YWHAQ: variants seen among roughly 807,000 people sequenced by gnomAD.
YWHAQ encodes tyrosine 3-monooxygenase/tryptophan 5-monooxygenase activation protein theta, also known as 14-3-3 protein theta.
In YWHAQ, 6 loss-of-function variants were observed where a neutral mutation model predicts 28.3. The observed-to-expected ratio is 0.21, with a 90% confidence interval of 0.12 to 0.42. The LOEUF (loss-of-function observed/expected upper bound fraction) is 0.42, where lower values mean the gene tolerates loss of function less well. Ranked by LOEUF, YWHAQ falls within the 10% of genes least tolerant of loss-of-function variation. The pLI is 1.00. For missense variants in YWHAQ, 201 were observed against 305.6 expected, an observed-to-expected ratio of 0.66 and a Z score of 2.55; for synonymous variants, 143 against 119.1, an observed-to-expected ratio of 1.20 and a Z score of -1.31.
At chr2:9,601,095 C>CAGCAGGAACAA (rs1666683814) in intron 2 of YWHAQ, among the ~76,000 whole-genome samples, 1 of 152,126 alleles carries the variant, frequency 6.6e-6, no homozygotes. Context: ...ATTATTAATG[C>CAGCAGGAACAA]TATTTATTTT....
At chr2:9,588,415 C>T (rs984896851) in intron 3 of YWHAQ, 87 bp from the exon 4 acceptor site, 4 of 1,464,178 alleles carry the variant, frequency 2.7e-6, no homozygotes, top group Non-Finnish European at 3.6e-6. Context: ...ATGCTACTAG[C>T]TCTTGGTAGA....
At chr2:9,618,513 AT>A (rs1256830392) in intron 2 of YWHAQ, among the ~76,000 whole-genome samples, 1 of 151,852 alleles carries the variant, frequency 6.6e-6, no homozygotes, top group African/African-American at 2.4e-5. Flanking sequence ...TCTTTGTTTC[AT>A]TTTCTTTTTT....
At chr2:9,629,201 T>C (rs1667307280) in intron 2 of YWHAQ, among the ~76,000 whole-genome samples, 1 of 152,184 alleles carries the variant, frequency 6.6e-6, no homozygotes, top group Non-Finnish European at 1.5e-5. Flanking sequence ...GTAGGCCTCT[T>C]GTAAAAGTGA....
At chr2:9,597,332 G>C (rs1243399623) in intron 2 of YWHAQ, among the ~76,000 whole-genome samples, 1 of 152,128 alleles carries the variant, frequency 6.6e-6, no homozygotes, top group Non-Finnish European at 1.5e-5. Context: ...AAGTGTCCTT[G>C]TGTTATTTTT....
intron 2 of YWHAQ, among the ~76,000 whole-genome samples, chr2:9,593,971 G>A (rs1268089882): frequency 1.7e-5 from 2 of 115,444 alleles, no homozygotes; most frequent in Non-Finnish European, 3.5e-5. Flanking sequence ...GCCAGAGGAA[G>A]TTAAAACACA....
intron 2 of YWHAQ, among the ~76,000 whole-genome samples, chr2:9,620,262 G>A (rs146482177): frequency 1.3e-5 from 2 of 152,272 alleles, no homozygotes; most frequent in East Asian, 1.9e-4. Flanking sequence ...GAAGAGTATC[G>A]TACAGAATAT....
chr2:9,598,501 A>C (rs548012851), intron 2 of YWHAQ, among the ~76,000 whole-genome samples: 1 of 152,172 alleles, frequency 6.6e-6, no homozygotes, highest in South Asian at 2.1e-4. Context: ...GCAACACTGA[A>C]TCAAGCATGT....
intron 2 of YWHAQ, among the ~76,000 whole-genome samples, chr2:9,629,518 G>C (rs1324299501): frequency 6.6e-6 from 1 of 152,156 alleles, no homozygotes; most frequent in Non-Finnish European, 1.5e-5. Context: ...CAACACTAGT[G>C]TTTAAGCACA....
chr2:9,630,503 G>C lies in YWHAQ; in HGVS notation c.-51C>G. ...CGGAGGGCGAGGAGAGCGAGGGCGAGCGCCGACCCGCAGCGGGAGGAGCCT... is the reference window on the plus strand; with the variant it reads ...CGGAGGGCGAGGAGAGCGAGGGCGACCGCCGACCCGCAGCGGGAGGAGCCT... On this transcript the variant is annotated 5_prime_UTR_variant, in exon 2 of 6. Coordinates refer to ENST00000238081, the MANE Select transcript of YWHAQ (RefSeq NM_006826.4). This position sits in a 1 kb window ranked among gnomAD's most constrained non-coding sequence, Gnocchi z 5.6. 1 of 1,482,812 alleles carries C rather than the reference G, an allele frequency of 6.7e-7. No individual in the cohort carries two copies. The highest frequency in any genetic ancestry group is 8.9e-7 in the Non-Finnish European group (1 of 1,117,798). 91.9% of individuals were successfully genotyped at this position (1,482,812 alleles called of 1,614,324 possible). A position where few individuals can be genotyped will look rare whatever the true frequency, so the allele number is the denominator to read the frequency against.
intron 2 of YWHAQ, among the ~76,000 whole-genome samples, chr2:9,592,456 T>C (rs561594324): frequency 6.6e-6 from 1 of 152,228 alleles, no homozygotes; most frequent in Non-Finnish European, 1.5e-5. Context: ...CCGGGCGCGG[T>C]GGCTCACGGC....
At chr2:9,604,108 A>T (rs981349654) in intron 2 of YWHAQ, among the ~76,000 whole-genome samples, 4 of 152,208 alleles carry the variant, frequency 2.6e-5, no homozygotes, top group African/African-American at 9.7e-5. Context: ...GTCCAAAGTC[A>T]GTGCTACGCT....
At chr2:9,615,287 G>A (rs967577859) in intron 2 of YWHAQ, 2 of 151,868 alleles carry the variant, frequency 1.3e-5, no homozygotes, top group Non-Finnish European at 2.9e-5. Context: ...AAGGTAAGGA[G>A]TTATCTTGAT....
intron 2 of YWHAQ, among the ~76,000 whole-genome samples, chr2:9,614,214 C>T (rs1667003086): frequency 6.6e-6 from 1 of 152,198 alleles, no homozygotes; most frequent in Non-Finnish European, 1.5e-5. Context: ...ACTGGTGACA[C>T]ATACTACATT....
At chr2:9,611,936 T>C (rs923176386) in intron 2 of YWHAQ, among the ~76,000 whole-genome samples, 1 of 152,262 alleles carries the variant, frequency 6.6e-6, no homozygotes, top group African/African-American at 2.4e-5. Context: ...CCCAAAGCGC[T>C]GGAATTACAG....
intron 2 of YWHAQ, among the ~76,000 whole-genome samples, chr2:9,627,833 G>A (rs998093571): frequency 5.3e-5 from 8 of 151,978 alleles, no homozygotes; most frequent in South Asian, 2.1e-4. Context: ...ACTGTTCCCC[G>A]AACAAGCCCT....
At position 9,630,021 on chromosome 2, in the gene YWHAQ, G is replaced by C. The variant is rs896627860; in HGVS notation, c.294+138C>G. On this transcript the variant is annotated intron_variant, in intron 2 of 5. Transcript: ENST00000238081. This position sits in a 1 kb window ranked among gnomAD's most constrained non-coding sequence, Gnocchi z 5.6. ...ACAACCGGAGGGACACAGTAGGGAA[G>C]TCAGGGCTCACCTAAAACCCTCCAC... is the stretch of plus-strand genomic sequence containing the variant. 3.5e-6 allele frequency: 4 copies of C among 1,134,210 alleles called. No individual in the cohort carries two copies. In the African/African-American group the frequency reaches 4.7e-5, roughly 13 times the overall value. The allele number at this position is 1,134,210 out of a possible 1,614,324, so 70.3% of individuals were successfully genotyped here.
chr2:9,601,998 G>A (rs910722000), intron 2 of YWHAQ, among the ~76,000 whole-genome samples: 1 of 152,174 alleles, frequency 6.6e-6, no homozygotes, highest in Non-Finnish European at 1.5e-5. Flanking sequence ...CAAATGAACA[G>A]ATACTAATTC....
chr2:9,599,215 T>C (rs561630960), intron 2 of YWHAQ, among the ~76,000 whole-genome samples: 9 of 152,212 alleles, frequency 5.9e-5, no homozygotes, highest in Admixed American at 1.3e-4. Flanking sequence ...TAAGAAAAAT[T>C]TGAAGCTAGG....
chr2:9,626,879 C>T (rs1667257290), intron 2 of YWHAQ, among the ~76,000 whole-genome samples: 1 of 152,228 alleles, frequency 6.6e-6, no homozygotes. Context: ...ACTTTAAAAA[C>T]TACTCATTTA....
Sources: gnomAD v4.1 joint callset for allele counts (sites outside exome capture counted in the v4.1 genomes callset) on GRCh38, gnomAD v4.1.1 for gene constraint, Gnocchi (gnomAD v3.1) non-coding constraint, MANE v1.5 for transcripts, NCBI Gene and HGNC (gene_info 2026-07-23, HGNC 2026-07-21) for gene names.